Variants in PKHD1L1 observed in about 807,000 individuals in gnomAD.
PKHD1L1 encodes the protein PKHD1 like 1.
A neutral mutation model predicts 462.9 loss-of-function variants in PKHD1L1; 434 were observed. The observed-to-expected ratio is 0.94, with a 90% CI of 0.87 to 1.02. The LOEUF (loss-of-function observed/expected upper bound fraction) is 1.02, where lower values mean the gene tolerates loss of function less well. Ranked by LOEUF, PKHD1L1 falls within the 50% of genes least tolerant of loss-of-function variation. The pLI, the probability that PKHD1L1 is intolerant of heterozygous loss-of-function variation, is 0.00. For synonymous variants in PKHD1L1, 1,781 were observed against 1,750.0 expected (o/e 1.02, Z -0.44); for missense variants, 5,202 against 5,096.1 (o/e 1.02, Z -0.63).
intron 61 of PKHD1L1, 130 bp downstream of exon 61, chr8:109,491,231 A>G (rs1420194458): frequency 3.1e-6 from 3 of 956,180 alleles, no homozygotes; most frequent in Non-Finnish European, 4.4e-6. Context: ...GCTGTCTAAT[A>G]TAGTAATTAC....
chr8:109,527,565 C>A (rs1820882082), intron 77 of PKHD1L1, among the ~76,000 whole-genome samples: 1 of 152,096 alleles, frequency 6.6e-6, no homozygotes, highest in South Asian at 2.1e-4. Flanking sequence ...AAGTGCAGGT[C>A]ATATCAGAAC....
At chr8:109,488,384 G>C (rs1286121114) in intron 59 of PKHD1L1, among the ~76,000 whole-genome samples, 2 of 151,988 alleles carry the variant, frequency 1.3e-5, no homozygotes, top group African/African-American at 4.8e-5. Flanking sequence ...TTGACTTTCA[G>C]AACCTTTTCA....
At chr8:109,513,672 C>G (rs1820119260) in intron 71 of PKHD1L1, among the ~76,000 whole-genome samples, 1 of 151,930 alleles carries the variant, frequency 6.6e-6, no homozygotes, top group Non-Finnish European at 1.5e-5. Flanking sequence ...AGGCACCAGC[C>G]CCTTCCCAGG....
chr8:109,371,576 G>A (rs988825573), intron 2 of PKHD1L1, among the ~76,000 whole-genome samples: 1 of 147,314 alleles, frequency 6.8e-6, no homozygotes, highest in Non-Finnish European at 1.5e-5. Context: ...TGAAGTCCTT[G>A]CCCATGCCTA....
rs910483288 is a variant in PKHD1L1, at chr8:109,401,485, CT to C, written c.1282-11del. On this transcript the variant is annotated splice_polypyrimidine_tract_variant and intron_variant, in intron 13 of 77. Transcript: ENST00000378402. ...TTCTCCCTTTTCTCTGTCTCTGTCT[CT>C]CTCGGATTAGGTGAGGATTGCATAT... 2 of 1,445,680 alleles carry C rather than the reference CT, an allele frequency of 1.4e-6. No homozygotes were observed. Among genetic ancestry groups the C allele is most frequent in the African/African-American group, 2.8e-5 (2 of 71,622 alleles). The allele number at this position is 1,445,680 out of a possible 1,614,324, so 89.6% of individuals were successfully genotyped here.
intron 53 of PKHD1L1, among the ~76,000 whole-genome samples, chr8:109,477,925 C>A (rs1399323382): frequency 6.6e-6 from 1 of 152,096 alleles, no homozygotes; most frequent in Admixed American, 6.6e-5. Flanking sequence ...TAGCTCTTTA[C>A]CTTTATTTCT....
intron 77 of PKHD1L1, among the ~76,000 whole-genome samples, chr8:109,529,016 C>T (rs1279849111): frequency 1.3e-5 from 2 of 151,824 alleles, no homozygotes; most frequent in African/African-American, 2.4e-5. Context: ...ATAATAAAGT[C>T]GAGGAAGAAT....
At chr8:109,409,412 C>G (rs939280701) in intron 18 of PKHD1L1, among the ~76,000 whole-genome samples, 1 of 151,872 alleles carries the variant, frequency 6.6e-6, no homozygotes, top group African/African-American at 2.4e-5. Context: ...ACATGCCCAG[C>G]TAATTTTTAT....
chr8:109,522,606 T>C (rs1820605839), intron 74 of PKHD1L1, 138 bp from the exon 75 acceptor site: 4 of 991,398 alleles, frequency 4.0e-6, no homozygotes, highest in East Asian at 5.7e-5. Flanking sequence ...GAGGAAATAT[T>C]GTAATTATAT....
chr8:109,434,098 G>T (rs148373010), intron 28 of PKHD1L1, among the ~76,000 whole-genome samples: 1 of 152,074 alleles, frequency 6.6e-6, no homozygotes, highest in Non-Finnish European at 1.5e-5. Flanking sequence ...AGGGCCTGTC[G>T]AGGGGTTGGG....
At chr8:109,524,192 AG>A (rs1820704332) in intron 76 of PKHD1L1, among the ~76,000 whole-genome samples, 1 of 152,144 alleles carries the variant, frequency 6.6e-6, no homozygotes, top group South Asian at 2.1e-4. Context: ...GTCCCAACTC[AG>A]GGCCTATTTA....
intron 52 of PKHD1L1, 85 bp downstream of exon 52, chr8:109,476,752 T>C (rs1818008534): frequency 1.6e-6 from 2 of 1,213,704 alleles, no homozygotes; most frequent in South Asian, 1.5e-5. Context: ...AAATGTGTTG[T>C]GCAGTGCTTA....
At chr8:109,524,452 AT>A (rs1181035683) in intron 76 of PKHD1L1, among the ~76,000 whole-genome samples, 1 of 151,614 alleles carries the variant, frequency 6.6e-6, no homozygotes, top group Non-Finnish European at 1.5e-5. Flanking sequence ...TTTTTTTTTT[AT>A]GGGAAATGAG....
chr8:109,369,352 T>G (rs955347812), intron 2 of PKHD1L1, among the ~76,000 whole-genome samples: 2 of 152,312 alleles, frequency 1.3e-5, no homozygotes, highest in East Asian at 3.9e-4. Flanking sequence ...TGGAATTAGT[T>G]TAAAAGTCAG....
intron 36 of PKHD1L1, 107 bp from the exon 37 acceptor site, chr8:109,443,569 A>G: frequency 2.2e-6 from 2 of 905,530 alleles, no homozygotes; most frequent in Non-Finnish European, 3.3e-6. Context: ...AAAAAGATTT[A>G]CCAGAATTTA....
rs572199258 is a variant in PKHD1L1, at chr8:109,409,130, T to C, written c.1972-735T>C. 2.6e-5 allele frequency among the ~76,000 whole-genome samples: 4 copies of C among 152,370 alleles called. No individual in the cohort carries two copies. The East Asian group carries it at 7.7e-4, about 29-fold the overall frequency. ...CTAAGCGACAATTATTTCTGTGCTT[T>C]GCTGGAGAAAATGATATGGAAATTT... On this transcript the variant is annotated intron_variant, in intron 18 of 77. Coordinates refer to ENST00000378402, the MANE Select transcript of PKHD1L1 (RefSeq NM_177531.6).
chr8:109,454,783 C>T lies in PKHD1L1; in HGVS notation c.6805C>T (p.Arg2269Ter), dbSNP rs371936400. Residue 2269 changes from arginine (R) to a stop codon, truncating the protein, a stop_gained, in exon 45 of 78, where the codon CGA becomes TGA. Coordinates refer to ENST00000378402, the MANE Select transcript of PKHD1L1 (RefSeq NM_177531.6). LOFTEE classifies it high-confidence loss of function. The part of the protein sequence containing the change: ...KAVITLHGHL[R>*]SPELPVYGAK... ...TGTCATTACCTTGCATGGTCACCTG[C>T]GATCTCCTGAGCTCCCTGTCTATGG... 10 of 1,613,708 alleles carry T rather than the reference C, an allele frequency of 6.2e-6. No homozygotes were observed. Among genetic ancestry groups the T allele is most frequent in the African/African-American group, 2.7e-5 (2 of 74,882 alleles).
intron 36 of PKHD1L1, 133 bp downstream of exon 36, chr8:109,443,249 G>C: frequency 1.2e-6 from 1 of 801,084 alleles, no homozygotes; most frequent in Non-Finnish European, 2.0e-6. Flanking sequence ...GAATAGGTTT[G>C]GGCTTCTCTG....
intron 77 of PKHD1L1, among the ~76,000 whole-genome samples, chr8:109,527,750 C>T (rs541279541): frequency 3.0e-4 from 45 of 152,278 alleles, no homozygotes; most frequent in African/African-American, 1.1e-3. Context: ...TTGGTGTTAG[C>T]TTTACTCCCA....
Sources: gnomAD v4.1 joint callset for allele counts (sites outside exome capture counted in the v4.1 genomes callset) on GRCh38, gnomAD v4.1.1 for gene constraint, MANE v1.5 for transcripts, NCBI Gene and HGNC (gene_info 2026-07-23, HGNC 2026-07-21) for gene names.